The following MACC1 variants were observed in gnomAD, a reference collection of about 807,000 sequenced individuals.
MACC1 encodes the protein MET transcriptional regulator MACC1.
A neutral mutation model predicts 70.7 loss-of-function variants in MACC1; 79 were observed. The observed-to-expected ratio is 1.12, with a 90% CI of 0.93 to 1.35. The LOEUF (loss-of-function observed/expected upper bound fraction) is 1.35. Ranked by LOEUF, MACC1 falls within the 40% of genes most tolerant of loss-of-function variation. The pLI is 0.00. For missense variants in MACC1, 1,106 were observed against 978.1 expected, an observed-to-expected ratio of 1.13 and a Z score of -1.74; for synonymous variants, 361 against 347.2, an observed-to-expected ratio of 1.04 and a Z score of -0.44.
At chr7:20,170,264 T>G (rs1782284506) in intron 2 of MACC1, 1 of 152,230 alleles carries the variant, frequency 6.6e-6, no homozygotes, top group South Asian at 2.1e-4. Context: ...CAATGATACG[T>G]GAAATATATC....
At chr7:20,144,738 G>A (rs1050039169) in intron 6 of MACC1, among the ~76,000 whole-genome samples, 1 of 152,174 alleles carries the variant, frequency 6.6e-6, no homozygotes, top group Non-Finnish European at 1.5e-5. Flanking sequence ...AGATGACCTT[G>A]AGAGGACAGA....
chr7:20,154,185 AG>A lies in MACC1; in HGVS notation c.2346+7del. 2 of 1,613,738 alleles carry A rather than the reference AG, an allele frequency of 1.2e-6. No individual in the cohort carries two copies. Among genetic ancestry groups the A allele is most frequent in the Non-Finnish European group, 1.7e-6 (2 of 1,179,732 alleles). ...TTCACTATTGAATTACACAAACAGA[AG>A]TCTTACCTCAACAGCAACATCTCCA... On this transcript the variant is annotated splice_region_variant and intron_variant, in intron 6 of 6. Coordinates refer to ENST00000400331, the MANE Select transcript of MACC1 (RefSeq NM_182762.4).
At chr7:20,188,816 C>A (rs908266407) in intron 1 of MACC1, among the ~76,000 whole-genome samples, 1 of 152,192 alleles carries the variant, frequency 6.6e-6, no homozygotes, top group African/African-American at 2.4e-5. Flanking sequence ...CTGTCTCCTC[C>A]TTAAAATAGT....
chr7:20,199,288 T>C (rs1782799829), intron 1 of MACC1, among the ~76,000 whole-genome samples: 1 of 152,232 alleles, frequency 6.6e-6, no homozygotes, highest in South Asian at 2.1e-4. Flanking sequence ...AGAAATGTGA[T>C]CCACAGATAA....
chr7:20,150,515 T>C (rs1423875615), intron 6 of MACC1: 1 of 152,018 alleles, frequency 6.6e-6, no homozygotes, highest in East Asian at 1.9e-4. Context: ...TACAAAGGAG[T>C]ATTAGATCTG....
Position 20,159,641 on chromosome 7 carries a change from A to C in MACC1, c.720T>G (p.His240Gln), listed in dbSNP as rs1397316895. 1 of 1,614,156 alleles carries C rather than the reference A, an allele frequency of 6.2e-7. No homozygotes were observed. The highest frequency in any genetic ancestry group is 8.5e-7 in the Non-Finnish European group (1 of 1,180,018). The change falls in exon 5 of 7, where the codon CAT becomes CAG. Residue 240 changes from histidine to glutamine, a missense_variant. His to Gln is a conservative substitution (Grantham distance 24). Transcript: ENST00000400331. The stretch of plus-strand genomic sequence containing the variant: ...CCTCTTGGAATTCTCCCACAGCCAC[A>C]TGACCTTGGGGCACATGAACAGTGA... ...SDITVHVPQG[H>Q]VAVGEFQEVS... is the part of the protein sequence containing the mutation.
chr7:20,182,588 T>C (rs1048317273), intron 1 of MACC1, among the ~76,000 whole-genome samples: 5 of 152,184 alleles, frequency 3.3e-5, no homozygotes, highest in Non-Finnish European at 5.9e-5. Context: ...TGCTGGACCA[T>C]ATATACCCTT....
chr7:20,191,609 G>A (rs911246080), intron 1 of MACC1, among the ~76,000 whole-genome samples: 5 of 152,142 alleles, frequency 3.3e-5, no homozygotes, highest in East Asian at 1.9e-4. Flanking sequence ...TGAAATTGCC[G>A]GAGGATGCAG....
At chr7:20,176,481 G>C (rs1782395143) in intron 1 of MACC1, among the ~76,000 whole-genome samples, 1 of 151,994 alleles carries the variant, frequency 6.6e-6, no homozygotes, top group African/African-American at 2.4e-5. Flanking sequence ...CTGAAAATAG[G>C]GATAAAATAA....
rs556695350 is a variant in MACC1 at position 20,207,638 on chromosome 7, A to G, written c.-218+9661T>C. Among the ~76,000 whole-genome samples the G allele has an allele frequency of 1.3e-5, 2 of 152,192 alleles. 1 individual carries two copies. Among genetic ancestry groups the G allele is most frequent in the Non-Finnish European group, 2.9e-5 (2 of 68,022 alleles). Reference sequence around the variant, plus strand: ...TGTTGAATTTCTAATAACAAATATTAGGGGAAAAAATAGGTATTTTCATCA... The same window carrying G: ...TGTTGAATTTCTAATAACAAATATTGGGGGAAAAAATAGGTATTTTCATCA... On this transcript the variant is annotated intron_variant, in intron 1 of 6. Coordinates refer to ENST00000400331, the MANE Select transcript of MACC1 (RefSeq NM_182762.4).
At chr7:20,153,243 G>T (rs1782006767) in intron 6 of MACC1, 1 of 152,140 alleles carries the variant, frequency 6.6e-6, no homozygotes, top group Admixed American at 6.5e-5. Flanking sequence ...GACTTGATTT[G>T]ACTCTACTTT....
intron 1 of MACC1, among the ~76,000 whole-genome samples, chr7:20,174,738 C>A (rs532729693): frequency 6.6e-6 from 1 of 152,158 alleles, no homozygotes; most frequent in Non-Finnish European, 1.5e-5. Flanking sequence ...GTGGGTATCT[C>A]TGAATGCAAA....
intron 2 of MACC1, among the ~76,000 whole-genome samples, chr7:20,169,011 T>A (rs1782262403): frequency 6.6e-6 from 1 of 152,222 alleles, no homozygotes; most frequent in African/African-American, 2.4e-5. Flanking sequence ...TCATTCTACT[T>A]CTGCATGCTG....
chr7:20,176,126 C>A (rs1233787517), intron 1 of MACC1, among the ~76,000 whole-genome samples: 1 of 152,060 alleles, frequency 6.6e-6, no homozygotes, highest in Non-Finnish European at 1.5e-5. Flanking sequence ...CTAAGTACAA[C>A]AAATGTTCTC....
intron 1 of MACC1, among the ~76,000 whole-genome samples, chr7:20,188,427 T>C (rs1782622177): frequency 6.6e-6 from 1 of 152,140 alleles, no homozygotes; most frequent in South Asian, 2.1e-4. Flanking sequence ...TTGTAAAAAC[T>C]CTCTTGCATC....
At chr7:20,175,443 C>G (rs1782376225) in intron 1 of MACC1, among the ~76,000 whole-genome samples, 1 of 151,894 alleles carries the variant, frequency 6.6e-6, no homozygotes, top group South Asian at 2.1e-4. Flanking sequence ...AAAAATTGAT[C>G]AAGCAATAGA....
intron 1 of MACC1, chr7:20,198,453 G>A (rs1782785939): frequency 6.6e-6 from 1 of 152,234 alleles, no homozygotes; most frequent in Admixed American, 6.5e-5. Context: ...GAGTTTAATG[G>A]ATGTTGGTCT....
chr7:20,191,935 T>C lies in MACC1; in HGVS notation c.-217-21157A>G, dbSNP rs976732438. On this transcript the variant is annotated intron_variant, in intron 1 of 6. Coordinates refer to ENST00000400331, the MANE Select transcript of MACC1 (RefSeq NM_182762.4). ...GGACGACTATGCCTAAAGTTGCTAA[T>C]GGAAATTTGATATCCGTTTTTTATC... is the stretch of plus-strand genomic sequence containing the variant. 3.3e-5 allele frequency among the ~76,000 whole-genome samples: 5 copies of C among 152,338 alleles called. No individual in the cohort carries two copies. The South Asian group carries it at 1.0e-3, about 32-fold the overall frequency.
chr7:20,154,594 A>T (rs1020427060), intron 5 of MACC1, among the ~76,000 whole-genome samples: 1 of 152,180 alleles, frequency 6.6e-6, no homozygotes, highest in African/African-American at 2.4e-5. Flanking sequence ...GTTAGGGGAG[A>T]TTTAGAACTA....
Sources: allele counts gnomAD v4.1 joint callset (sites outside exome capture counted in the v4.1 genomes callset), GRCh38; gene constraint gnomAD v4.1.1; transcripts MANE v1.5; gene names NCBI Gene and HGNC (gene_info 2026-07-23, HGNC 2026-07-21).